The following MAD1L1 variants were observed in gnomAD, a reference collection of about 807,000 sequenced individuals.
MAD1L1 encodes mitotic arrest deficient 1 like 1, also known as mitotic spindle assembly checkpoint protein MAD1.
In MAD1L1, 95 loss-of-function variants were observed where a neutral mutation model predicts 96.9. The ratio of observed to expected loss-of-function variants is 0.98; its 90% CI spans 0.83 to 1.16. The LOEUF (loss-of-function observed/expected upper bound fraction) is 1.16, where lower values mean the gene tolerates loss of function less well. MAD1L1 is among the 50% of genes most tolerant of loss of function. The probability of loss-of-function intolerance (pLI) is 0.00; values close to 1 mark genes in which losing one functional copy is unlikely to be tolerated. For missense variants in MAD1L1, 1,007 were observed against 954.4 expected (o/e 1.06, Z -0.73); for synonymous variants, 473 against 396.6 (o/e 1.19, Z -2.29).
At chr7:1,881,762 A>G (rs1187105240) in intron 18 of MAD1L1, among the ~76,000 whole-genome samples, 1 of 152,224 alleles carries the variant, frequency 6.6e-6, no homozygotes, top group African/African-American at 2.4e-5. Flanking sequence ...GTGGGGAGGC[A>G]GAGGTGGTGG....
intron 10 of MAD1L1, among the ~76,000 whole-genome samples, chr7:2,172,651 A>G (rs1790761745): frequency 6.6e-6 from 1 of 152,244 alleles, no homozygotes; most frequent in South Asian, 2.1e-4. Context: ...AGCCGTCAGT[A>G]GTCCTCGTGG....
chr7:1,954,076 TGCCCCA>T (rs147833212), intron 16 of MAD1L1, among the ~76,000 whole-genome samples: 3 of 152,326 alleles, frequency 2.0e-5, no homozygotes, highest in East Asian at 3.9e-4. Context: ...CTGTGGGTCC[TGCCCCA>T]GCTCGGTGCC....
chr7:2,220,517 G>A (rs542185295), intron 5 of MAD1L1, among the ~76,000 whole-genome samples: 19 of 152,336 alleles, frequency 1.2e-4, no homozygotes, highest in African/African-American at 3.1e-4. Context: ...ACACACGGGC[G>A]TGATGTCAGC....
intron 11 of MAD1L1, among the ~76,000 whole-genome samples, chr7:2,070,876 GA>G (rs773781038): frequency 1.6e-4 from 24 of 152,250 alleles, no homozygotes; most frequent in Non-Finnish European, 3.1e-4. Flanking sequence ...ATGACTTGAG[GA>G]AAAGTTTCAT....
intron 18 of MAD1L1, among the ~76,000 whole-genome samples, chr7:1,888,212 ATG>A (rs1370168249): frequency 2.9e-5 from 4 of 136,634 alleles, no homozygotes; most frequent in Non-Finnish European, 6.2e-5. Context: ...CTGCCTGTGC[ATG>A]TGTGTGCATG....
intron 10 of MAD1L1, among the ~76,000 whole-genome samples, chr7:2,165,724 A>G (rs1300885414): frequency 2.9e-5 from 4 of 139,192 alleles, no homozygotes; most frequent in Non-Finnish European, 4.8e-5. Context: ...TAGGTGGCAG[A>G]CTCCCCATCC....
rs116579372 is a variant in MAD1L1 at position 2,091,336 on chromosome 7, C to T, written c.1074-21998G>A. ...TGGGTGTGCCTGCCTCCGGGCCCCG[C>T]AGCAGTACAGGTATGTGCCAGCCCT... On this transcript the variant is annotated intron_variant, in intron 11 of 18. Coordinates refer to ENST00000265854, the MANE Select transcript of MAD1L1 (RefSeq NM_001013836.2). 3.0e-3 allele frequency among the ~76,000 whole-genome samples: 460 copies of T among 152,304 alleles called. 4 individuals are homozygous for T. The highest frequency in any genetic ancestry group is 0.011 in the African/African-American group (439 of 41,554).
intron 12 of MAD1L1, among the ~76,000 whole-genome samples, chr7:2,024,632 C>T (rs1390990576): frequency 6.6e-6 from 1 of 152,208 alleles, no homozygotes; most frequent in African/African-American, 2.4e-5. Context: ...ATAAACGCTT[C>T]AAATGATCAC....
chr7:2,095,209 CA>C lies in MAD1L1; in HGVS notation c.1074-25872del, dbSNP rs1786422826. Among the ~76,000 whole-genome samples, 5 of 152,122 alleles carry C rather than the reference CA, an allele frequency of 3.3e-5. No individual in the cohort carries two copies. The Middle Eastern group carries it at 0.01, about 313-fold the overall frequency. On this transcript the variant is annotated intron_variant, in intron 11 of 18. Transcript: ENST00000265854. The stretch of plus-strand genomic sequence containing the variant: ...AGGCACCCGCCACCACGCCTGGCTA[CA>C]TTTTTTTGTATTTTTAGTAGAGCCG...
At chr7:1,827,760 C>T (rs1397037684) in intron 18 of MAD1L1, among the ~76,000 whole-genome samples, 1 of 129,728 alleles carries the variant, frequency 7.7e-6, no homozygotes, top group Admixed American at 7.5e-5. Flanking sequence ...CTCCTGAGCC[C>T]GTCCCGGGTG....
At chr7:2,060,683 C>A (rs572164634) in intron 12 of MAD1L1, among the ~76,000 whole-genome samples, 1 of 152,214 alleles carries the variant, frequency 6.6e-6, no homozygotes, top group African/African-American at 2.4e-5. Context: ...GAGGGGTCCC[C>A]GGGCCACGGC....
intron 3 of MAD1L1, among the ~76,000 whole-genome samples, chr7:2,227,891 A>G (rs1258003431): frequency 2.0e-5 from 3 of 152,156 alleles, no homozygotes; most frequent in African/African-American, 4.8e-5. Flanking sequence ...GGAGCTGACT[A>G]CAACGGAAAG....
intron 15 of MAD1L1, among the ~76,000 whole-genome samples, chr7:1,974,579 C>G (rs960001201): frequency 1.3e-5 from 2 of 152,032 alleles, no homozygotes; most frequent in African/African-American, 2.4e-5. Flanking sequence ...AACAGGTTAA[C>G]AAAGCTGAGA....
intron 12 of MAD1L1, among the ~76,000 whole-genome samples, chr7:2,044,837 C>A (rs1338687145): frequency 6.6e-6 from 1 of 152,176 alleles, no homozygotes; most frequent in Non-Finnish European, 1.5e-5. Context: ...GGCGTGGACA[C>A]CCTCTCAGCT....
At chr7:2,102,825 A>T (rs1049710360) in intron 11 of MAD1L1, among the ~76,000 whole-genome samples, 7 of 152,112 alleles carry the variant, frequency 4.6e-5, no homozygotes, top group Non-Finnish European at 1.0e-4. Flanking sequence ...CACTCTCAGG[A>T]CCACTCTCCA....
chr7:2,156,586 G>A (rs1409808657), intron 10 of MAD1L1, among the ~76,000 whole-genome samples: 1 of 152,196 alleles, frequency 6.6e-6, no homozygotes, highest in Non-Finnish European at 1.5e-5. Context: ...TTGGGAGGCC[G>A]AGGCAGGCGG....
chr7:2,082,084 G>A (rs559083294), intron 11 of MAD1L1, among the ~76,000 whole-genome samples: 12 of 152,272 alleles, frequency 7.9e-5, no homozygotes, highest in African/African-American at 2.4e-4. Context: ...ATGTAAGAAG[G>A]AAAAGCAGAG....
intron 10 of MAD1L1, among the ~76,000 whole-genome samples, chr7:2,158,895 G>C (rs557242278): frequency 6.6e-6 from 1 of 152,306 alleles, no homozygotes; most frequent in South Asian, 2.1e-4. Context: ...CCAGCCTGAG[G>C]CCACTAAGCT....
intron 18 of MAD1L1, among the ~76,000 whole-genome samples, chr7:1,893,241 A>T (rs1786657547): frequency 6.6e-6 from 1 of 151,800 alleles, no homozygotes; most frequent in Non-Finnish European, 1.5e-5. Flanking sequence ...CGGCAACAAG[A>T]GGTTTGGTCC....
Sources: allele counts gnomAD v4.1 joint callset (sites outside exome capture counted in the v4.1 genomes callset), GRCh38; gene constraint gnomAD v4.1.1; transcripts MANE v1.5; gene names NCBI Gene and HGNC (gene_info 2026-07-23, HGNC 2026-07-21).